The following EFNA3 variants were observed in gnomAD, a reference collection of about 807,000 sequenced individuals.
EFNA3 encodes ephrin-A3.
EFNA3 carries 15 observed loss-of-function variants against 25.0 expected under a neutral mutation model. That is an observed-to-expected ratio of 0.60 (90% confidence interval 0.40 to 0.92). EFNA3 has a LOEUF of 0.92. EFNA3 is among the 40% of genes least tolerant of loss of function. The pLI, the probability that EFNA3 is intolerant of heterozygous loss-of-function variation, is 0.00. For missense variants in EFNA3, 298 were observed against 323.8 expected, an observed-to-expected ratio of 0.92 and a Z score of 0.61; for synonymous variants, 153 against 145.6, an observed-to-expected ratio of 1.05 and a Z score of -0.37.
At position 155,079,534 on chromosome 1, in the gene EFNA3, G is replaced by A. The variant is rs777908859; in HGVS notation, c.128+465G>A. Among the ~76,000 whole-genome samples, 2 of 152,170 alleles carry A rather than the reference G, an allele frequency of 1.3e-5. No homozygotes were observed. The highest frequency in any genetic ancestry group is 2.4e-5 in the African/African-American group (1 of 41,440). ...GGTCCAGAGCTGAGGCAGGGAGTCC[G>A]ACCGAGCACCTCCCTAGAAGGAAGG... On this transcript the variant is annotated intron_variant, in intron 1 of 4. Transcript: ENST00000368408. This position sits in a 1 kb window ranked among gnomAD's most constrained non-coding sequence, Gnocchi z 7.7.
rs1201744550 is a variant in EFNA3 at position 155,080,476 on chromosome 1, G to A, written c.128+1407G>A. On this transcript the variant is annotated intron_variant, in intron 1 of 4. Transcript: ENST00000368408. The surrounding 1 kb of genome is among the most constrained non-coding windows in gnomAD (Gnocchi z 7.0). ...AGCGGGACTCCAAGAACTCCGGGGG[G>A]CGCTGGGGGCTGACTTTCCAGCTCT... is the stretch of plus-strand genomic sequence containing the variant. Among the ~76,000 whole-genome samples the A allele has an allele frequency of 6.6e-6, 1 of 152,038 alleles. No homozygotes were observed. Among genetic ancestry groups the A allele is most frequent in the African/African-American group, 2.4e-5 (1 of 41,408 alleles).
rs1230209293 is a variant in EFNA3 at position 155,080,651 on chromosome 1, G to A, written c.128+1582G>A. 6.6e-6 allele frequency among the ~76,000 whole-genome samples: 1 copy of A among 152,208 alleles called. No individual in the cohort carries two copies. Among genetic ancestry groups the A allele is most frequent in the Non-Finnish European group, 1.5e-5 (1 of 68,010 alleles). On this transcript the variant is annotated intron_variant, in intron 1 of 4. Transcript: ENST00000368408. This position sits in a 1 kb window ranked among gnomAD's most constrained non-coding sequence, Gnocchi z 7.0. ...GTTCTTAGGGGAAGCCAGAGCCGGG[G>A]AGGATGCGGGAATAGGTTTGGTGGG...
chr1:155,082,157 G>C (rs1406539253), intron 1 of EFNA3, among the ~76,000 whole-genome samples: 2 of 152,160 alleles, frequency 1.3e-5, no homozygotes, highest in Non-Finnish European at 2.9e-5. Flanking sequence ...TCAAAGCCCG[G>C]GCGCGCGGAC....
chr1:155,086,637 A>G lies in EFNA3; in HGVS notation c.*94A>G. 1 of 1,488,966 alleles carries G rather than the reference A, an allele frequency of 6.7e-7. No homozygotes were observed. Among genetic ancestry groups the G allele is most frequent in the Non-Finnish European group, 9.0e-7 (1 of 1,105,700 alleles). 92.2% of individuals were successfully genotyped at this position (1,488,966 alleles called of 1,614,324 possible). A position where few individuals can be genotyped will look rare whatever the true frequency, so the allele number is the denominator to read the frequency against. The stretch of plus-strand genomic sequence containing the variant: ...TCCAAGGGAAGCCTAGTGGGCCTAG[A>G]CCCCTCCTCCCATGGCTAGAAGTGG... On this transcript the variant is annotated 3_prime_UTR_variant, in exon 5 of 5. Transcript: ENST00000368408.
chr1:155,086,357 C>T (rs1313670555), intron 4 of EFNA3, 56 bp from the exon 5 acceptor site: 2 of 1,590,578 alleles, frequency 1.3e-6, no homozygotes, highest in African/African-American at 2.9e-5. Flanking sequence ...TGCCGCGTGC[C>T]CCTGCCCTGG....
Position 155,086,400 on chromosome 1 carries a change from C to T in EFNA3, c.587-13C>T, listed in dbSNP as rs2102454399. 2 of 1,613,618 alleles carry T rather than the reference C, an allele frequency of 1.2e-6. No homozygotes were observed. The highest frequency in any genetic ancestry group is 4.5e-5 in the East Asian group (2 of 44,886). On this transcript the variant is annotated splice_polypyrimidine_tract_variant and intron_variant, in intron 4 of 4. Transcript: ENST00000368408. ...CCCAGCCCTCACCAGTCTGTCTGTT[C>T]CTCTGTCCACAGAAGACTTTGAGGG...
In EFNA3 at chr1:155,085,309, C is replaced by T. The variant is rs1297179330; in HGVS notation, c.347C>T (p.Pro116Leu). Reference protein sequence around the residue: ...KRWECNRPHAPHSPIKFSEKF... With the variant: ...KRWECNRPHALHSPIKFSEKF... ...TGGGAGTGCAACCGGCCGCACGCCC[C>T]GCACAGCCCCATCAAGTTCTCGGAG... is the stretch of plus-strand genomic sequence containing the variant. The change falls in exon 2 of 5, where the codon CCG becomes CTG. Residue 116 changes from proline to leucine, a missense_variant. By Grantham distance (98) the Pro-to-Leu change is moderately conservative. Transcript: ENST00000368408. This position sits in a 1 kb window ranked among gnomAD's most constrained non-coding sequence, Gnocchi z 4.4. 6.2e-7 allele frequency: 1 copy of T among 1,612,934 alleles called. No homozygotes were observed. Among genetic ancestry groups the T allele is most frequent in the Non-Finnish European group, 8.5e-7 (1 of 1,179,598 alleles).
chr1:155,085,370 C>T lies in EFNA3; in HGVS notation c.408C>T (p.Tyr136=). 1 of 1,610,868 alleles carries T rather than the reference C, an allele frequency of 6.2e-7. No individual in the cohort carries two copies. The highest frequency in any genetic ancestry group is 8.5e-7 in the Non-Finnish European group (1 of 1,178,316). ...FQRYSAFSLG[Y]EFHAGHEYYY... Reference sequence around the variant, plus strand: ...GCTACAGCGCCTTCTCTCTGGGCTACGAGTTCCACGCCGGCCACGAGTACT... The same window carrying T: ...GCTACAGCGCCTTCTCTCTGGGCTATGAGTTCCACGCCGGCCACGAGTACT... The change falls in exon 2 of 5, where the codon TAC becomes TAT. Residue 136 remains tyrosine (Y), a synonymous_variant. Coordinates refer to ENST00000368408, the MANE Select transcript of EFNA3 (RefSeq NM_004952.5). This position sits in a 1 kb window ranked among gnomAD's most constrained non-coding sequence, Gnocchi z 4.4.
At chr1:155,082,142 C>G (rs1663354349) in intron 1 of EFNA3, among the ~76,000 whole-genome samples, 1 of 152,174 alleles carries the variant, frequency 6.6e-6, no homozygotes, top group Non-Finnish European at 1.5e-5. Flanking sequence ...CCACCGCCAC[C>G]ACCCTCAAAG....
At chr1:155,086,103 T>TCCCCCCCCCCCCCCC in intron 3 of EFNA3, 25 bp from the exon 4 acceptor site, 29 of 1,577,654 alleles carry the variant, frequency 1.8e-5, no homozygotes, top group Non-Finnish European at 2.4e-5. Flanking sequence ...CCCTCCTCTC[T>TCCCCCCCCCCCCCCC]CCCCACCCGC....
At position 155,085,237 on chromosome 1, in the gene EFNA3, G is replaced by A. The variant is rs766378281; in HGVS notation, c.275G>A (p.Ser92Asn). Residue 92 changes from serine (S) to asparagine (N), a missense_variant, in exon 2 of 5, where the codon AGC becomes AAC. Transcript: ENST00000368408. The surrounding 1 kb of genome is among the most constrained non-coding windows in gnomAD (Gnocchi z 4.4). ...GAGCAGTACGTGCTGTACATGGTGA[G>A]CCGCAACGGCTACCGCACCTGCAAC... The part of the protein sequence containing the change: ...GAEQYVLYMV[S>N]RNGYRTCNAS... The A allele has an allele frequency of 1.2e-5, 19 of 1,613,032 alleles. No homozygotes were observed. The South Asian group carries it at 2.0e-4, about 17-fold the overall frequency.
Position 155,081,304 on chromosome 1 carries a change from A to T in EFNA3, c.128+2235A>T, listed in dbSNP as rs749786771. ...GGGATGGGGGGACTGTATTGGAGCG[A>T]TGCATTAGAGTATGAGGTCGAGGAG... On this transcript the variant is annotated intron_variant, in intron 1 of 4. Transcript: ENST00000368408. The surrounding 1 kb of genome is among the most constrained non-coding windows in gnomAD (Gnocchi z 5.2). Among the ~76,000 whole-genome samples the T allele has an allele frequency of 2.6e-4, 40 of 152,202 alleles. No homozygotes were observed. Among genetic ancestry groups the T allele is most frequent in the Non-Finnish European group, 4.9e-4 (33 of 68,038 alleles).
chr1:155,079,126 T>C lies in EFNA3; in HGVS notation c.128+57T>C. 7.9e-7 allele frequency: 1 copy of C among 1,262,952 alleles called. No individual in the cohort carries two copies. Among genetic ancestry groups the C allele is most frequent in the Non-Finnish European group, 1.0e-6 (1 of 996,902 alleles). The allele number at this position is 1,262,952 out of a possible 1,614,324, so 78.2% of individuals were successfully genotyped here. ...CCGTCTCAGTGAGAGGGGGAGCCGG[T>C]GGGCCCGAGAAGTCCTGGGGGATCC... On this transcript the variant is annotated intron_variant, in intron 1 of 4. Coordinates refer to ENST00000368408, the MANE Select transcript of EFNA3 (RefSeq NM_004952.5). The surrounding 1 kb of genome is among the most constrained non-coding windows in gnomAD (Gnocchi z 7.7).
intron 3 of EFNA3, 25 bp from the exon 4 acceptor site, chr1:155,086,103 T>TGCCCCCC: frequency 4.4e-6 from 7 of 1,577,674 alleles, no homozygotes; most frequent in Non-Finnish European, 6.1e-6. Flanking sequence ...CCCTCCTCTC[T>TGCCCCCC]CCCCACCCGC....
At chr1:155,086,062 G>C (rs1204274063) in intron 3 of EFNA3, 66 bp from the exon 4 acceptor site, 1 of 1,584,008 alleles carries the variant, frequency 6.3e-7, no homozygotes, top group African/African-American at 1.3e-5. Context: ...CCCAGCCGTA[G>C]CAAGGGGAGG....
chr1:155,086,016 G>A, intron 3 of EFNA3, 74 bp downstream of exon 3: 1 of 1,572,732 alleles, frequency 6.4e-7, no homozygotes, highest in Non-Finnish European at 8.6e-7. Context: ...CTTCCTGGGG[G>A]TGGGGGCGGA....
chr1:155,086,346 C>T (rs1316253048), intron 4 of EFNA3, 67 bp from the exon 5 acceptor site: 1 of 1,602,138 alleles, frequency 6.2e-7, no homozygotes, highest in East Asian at 2.2e-5. Context: ...TCCATTGCTG[C>T]TGCCGCGTGC....
At chr1:155,086,315 G>T (rs1663461018) in intron 4 of EFNA3, 98 bp from the exon 5 acceptor site, 2 of 1,595,346 alleles carry the variant, frequency 1.3e-6, no homozygotes, top group Middle Eastern at 1.7e-4. Context: ...TTCCTACCCT[G>T]TGGGTGGTCA....
At chr1:155,084,790 C>T (rs1442133805) in intron 1 of EFNA3, among the ~76,000 whole-genome samples, 10 of 152,262 alleles carry the variant, frequency 6.6e-5, no homozygotes, top group Admixed American at 6.5e-4. Flanking sequence ...ACGTTCCCTT[C>T]TTCCCTCCGC....
Sources: gnomAD v4.1 joint callset for allele counts (sites outside exome capture counted in the v4.1 genomes callset) on GRCh38, gnomAD v4.1.1 for gene constraint, Gnocchi (gnomAD v3.1) non-coding constraint, MANE v1.5 for transcripts, NCBI Gene and HGNC (gene_info 2026-07-23, HGNC 2026-07-21) for gene names.